Variants in TMEM232 observed in about 807,000 individuals in gnomAD.
TMEM232 encodes transmembrane protein 232.
In TMEM232, 80 loss-of-function variants were observed where a neutral mutation model predicts 78.8. The observed-to-expected ratio is 1.01, with a 90% confidence interval of 0.85 to 1.22. The LOEUF is 1.22. TMEM232 is among the 50% of genes most tolerant of loss of function. The pLI is 0.00. For missense variants in TMEM232, 881 were observed against 742.2 expected, an observed-to-expected ratio of 1.19 and a Z score of -2.17; for synonymous variants, 297 against 254.3, an observed-to-expected ratio of 1.17 and a Z score of -1.60.
At chr5:110,435,644 T>G (rs1004600877) in intron 12 of TMEM232, among the ~76,000 whole-genome samples, 1 of 151,808 alleles carries the variant, frequency 6.6e-6, no homozygotes, top group Non-Finnish European at 1.5e-5. Flanking sequence ...ATCCTTCTAT[T>G]CTTTATCTCC....
At chr5:110,422,381 G>A (rs1463225381) in intron 13 of TMEM232, among the ~76,000 whole-genome samples, 4 of 151,520 alleles carry the variant, frequency 2.6e-5, no homozygotes, top group Non-Finnish European at 5.9e-5. Context: ...TTAGCCGGGC[G>A]TGGTGGCGGG....
chr5:110,696,314 G>C (rs181190420), intron 1 of TMEM232, among the ~76,000 whole-genome samples: 1 of 152,192 alleles, frequency 6.6e-6, no homozygotes, highest in East Asian at 1.9e-4. Flanking sequence ...AAAATAATAA[G>C]AGCTATCTAT....
At chr5:110,405,178 C>A (rs1266662112) in intron 2 of TMEM232, among the ~76,000 whole-genome samples, 6 of 151,980 alleles carry the variant, frequency 3.9e-5, no homozygotes, top group Non-Finnish European at 7.4e-5. Context: ...ACTAGTGATA[C>A]TGAAAAAATG....
chr5:110,544,861 T>C (rs1440005842), intron 11 of TMEM232, among the ~76,000 whole-genome samples: 2 of 152,080 alleles, frequency 1.3e-5, no homozygotes, highest in African/African-American at 2.4e-5. Flanking sequence ...CCTGGGAGCA[T>C]GTTATCAATG....
At chr5:110,445,380 T>C (rs1759534600) in intron 12 of TMEM232, among the ~76,000 whole-genome samples, 1 of 152,104 alleles carries the variant, frequency 6.6e-6, no homozygotes, top group Non-Finnish European at 1.5e-5. Context: ...TTCAAGGAAA[T>C]GAACATAACC....
At chr5:110,472,945 G>A (rs1762837721) in intron 12 of TMEM232, among the ~76,000 whole-genome samples, 1 of 151,706 alleles carries the variant, frequency 6.6e-6, no homozygotes, top group Non-Finnish European at 1.5e-5. Context: ...AGAGTTAAAT[G>A]TAAGACCTCG....
At chr5:110,631,218 AGC>A (rs1222942778) in intron 5 of TMEM232, among the ~76,000 whole-genome samples, 1 of 152,186 alleles carries the variant, frequency 6.6e-6, no homozygotes, top group Non-Finnish European at 1.5e-5. Flanking sequence ...GAGATGGTGC[AGC>A]GCATTAACAT....
At chr5:110,649,262 A>T (rs1666382178) in intron 2 of TMEM232, among the ~76,000 whole-genome samples, 1 of 152,058 alleles carries the variant, frequency 6.6e-6, no homozygotes. Context: ...GATTTTTTTA[A>T]TTGGTTTATA....
At chr5:110,688,457 A>G (rs567858826) in intron 1 of TMEM232, among the ~76,000 whole-genome samples, 1 of 152,310 alleles carries the variant, frequency 6.6e-6, no homozygotes, top group East Asian at 1.9e-4. Context: ...AGTCATTCAG[A>G]TACATTTCCT....
At chr5:110,669,971 G>A (rs1399753238) in intron 1 of TMEM232, among the ~76,000 whole-genome samples, 1 of 152,082 alleles carries the variant, frequency 6.6e-6, no homozygotes, top group Non-Finnish European at 1.5e-5. Context: ...AGGTATTGAT[G>A]GGACATATCT....
chr5:110,431,278 A>T (rs1757811130), intron 12 of TMEM232, among the ~76,000 whole-genome samples: 1 of 151,662 alleles, frequency 6.6e-6, no homozygotes, highest in African/African-American at 2.4e-5. Context: ...TTTGGGGCTC[A>T]AATCTACAAA....
intron 12 of TMEM232, among the ~76,000 whole-genome samples, chr5:110,449,743 C>A (rs1339741950): frequency 1.3e-5 from 2 of 152,134 alleles, no homozygotes; most frequent in Non-Finnish European, 2.9e-5. Context: ...GGTTCTGTAT[C>A]AGATTGTGGA....
chr5:110,540,264 G>A (rs1772934459), intron 11 of TMEM232, among the ~76,000 whole-genome samples: 1 of 152,154 alleles, frequency 6.6e-6, no homozygotes. Flanking sequence ...GGATGGCCAA[G>A]TTTCCCGTGG....
intron 5 of TMEM232, among the ~76,000 whole-genome samples, chr5:110,628,560 C>A (rs1263052009): frequency 1.3e-5 from 2 of 151,760 alleles, no homozygotes; most frequent in African/African-American, 2.4e-5. Flanking sequence ...TAATCTGCAA[C>A]ATTTTACAGA....
intron 5 of TMEM232, among the ~76,000 whole-genome samples, chr5:110,636,659 C>G (rs971380817): frequency 6.6e-6 from 1 of 151,986 alleles, no homozygotes; most frequent in Non-Finnish European, 1.5e-5. Flanking sequence ...AATATCAAAA[C>G]TCTCTCTGCT....
At chr5:110,486,654 A>T (rs1177708612) in intron 12 of TMEM232, among the ~76,000 whole-genome samples, 7 of 151,932 alleles carry the variant, frequency 4.6e-5, no homozygotes, top group Admixed American at 4.6e-4. Context: ...TGCATTCTCT[A>T]TTCTGTTCCA....
At chr5:110,472,226 T>A (rs1027082260) in intron 12 of TMEM232, among the ~76,000 whole-genome samples, 1 of 151,886 alleles carries the variant, frequency 6.6e-6, no homozygotes, top group African/African-American at 2.4e-5. Flanking sequence ...ACATAAAAAA[T>A]TGGTAGCATT....
chr5:110,475,456 T>A (rs1179014222), intron 12 of TMEM232, among the ~76,000 whole-genome samples: 2 of 149,180 alleles, frequency 1.3e-5, no homozygotes, highest in African/African-American at 4.9e-5. Context: ...TTTTTTTTTT[T>A]TTTTTTTTTT....
intron 1 of TMEM232, among the ~76,000 whole-genome samples, chr5:110,693,616 G>C (rs1029091274): frequency 6.6e-5 from 10 of 152,222 alleles, no homozygotes; most frequent in African/African-American, 2.4e-4. Context: ...TAAAGGACCT[G>C]ATGGAGCTGA....
Sources: allele counts gnomAD v4.1 joint callset (sites outside exome capture counted in the v4.1 genomes callset), GRCh38; gene constraint gnomAD v4.1.1; transcripts MANE v1.5; gene names NCBI Gene and HGNC (gene_info 2026-07-23, HGNC 2026-07-21).